Variants in TXK observed in about 807,000 individuals in gnomAD.
TXK encodes the protein TXK tyrosine kinase.
A neutral mutation model predicts 81.0 loss-of-function variants in TXK; 60 were observed. The ratio of observed to expected loss-of-function variants is 0.74; its 90% confidence interval spans 0.60 to 0.92. The LOEUF is 0.92. Among genes scored for constraint, TXK ranks in the 40% least tolerant of loss-of-function variants. TXK has a pLI of 0.00. For missense variants in TXK, 581 were observed against 638.3 expected (o/e 0.91, Z 0.97); for synonymous variants, 203 against 210.7 (o/e 0.96, Z 0.32).
chr4:48,100,703 A>G (rs569508411), intron 6 of TXK, among the ~76,000 whole-genome samples: 6 of 152,314 alleles, frequency 3.9e-5, no homozygotes, highest in African/African-American at 1.4e-4. Flanking sequence ...TATCCTACAA[A>G]CCCATATAAA....
At chr4:48,107,003 T>G (rs563697545) in intron 5 of TXK, among the ~76,000 whole-genome samples, 1 of 152,262 alleles carries the variant, frequency 6.6e-6, no homozygotes, top group East Asian at 1.9e-4. Flanking sequence ...AAGACTTGCA[T>G]AGGGCTTATT....
intron 6 of TXK, among the ~76,000 whole-genome samples, chr4:48,096,215 A>T (rs1717973391): frequency 1.3e-5 from 2 of 152,228 alleles, no homozygotes; most frequent in Non-Finnish European, 2.9e-5. Context: ...AAATAATAAA[A>T]TCTAGCTTTT....
rs1204112038 is a variant in TXK at position 48,080,111 on chromosome 4, T to G, written c.974A>C (p.Lys325Thr). 6.2e-7 allele frequency: 1 copy of G among 1,613,102 alleles called. No individual in the cohort carries two copies. The highest frequency in any genetic ancestry group is 2.2e-5 in the East Asian group (1 of 44,844). The change falls in exon 11 of 15, where the codon AAG becomes ACG. Residue 325 changes from lysine (K) to threonine (T), a missense_variant. Coordinates refer to ENST00000264316, the MANE Select transcript of TXK (RefSeq NM_003328.3). ...AKVMMKLSHS[K>T]LVQLYGVCIQ... ...ACAGACTCCATAAAGTTGCACTAGCTTTGAATGAGATAATTTCCTGGTGAA... is the reference window on the plus strand; with the variant it reads ...ACAGACTCCATAAAGTTGCACTAGCGTTGAATGAGATAATTTCCTGGTGAA...
chr4:48,122,303 C>T (rs539374143), intron 1 of TXK, among the ~76,000 whole-genome samples: 1 of 152,230 alleles, frequency 6.6e-6, no homozygotes, highest in Non-Finnish European at 1.5e-5. Context: ...CTCAGCCACA[C>T]CGCAATGCTG....
At chr4:48,075,699 G>C (rs918571055) in intron 12 of TXK, among the ~76,000 whole-genome samples, 1 of 151,958 alleles carries the variant, frequency 6.6e-6, no homozygotes, top group African/African-American at 2.4e-5. Flanking sequence ...AATTCAGTAC[G>C]TGTTAGCAGC....
intron 10 of TXK, among the ~76,000 whole-genome samples, chr4:48,084,431 C>A (rs1717429846): frequency 6.6e-6 from 1 of 152,128 alleles, no homozygotes; most frequent in African/African-American, 2.4e-5. Flanking sequence ...TTCAAGAATT[C>A]TCTCATTATG....
At position 48,080,014 on chromosome 4, in the gene TXK, C is replaced by T. The variant is rs1560341998; in HGVS notation, c.1071G>A (p.Glu357=). ...ENGCLLNYLR[E]NKGKLRKEML... is the part of the protein sequence containing the mutation. ...TTTCCTTCCTAAGCTTTCCTTTATT[C>T]TCCCTGAGATAGTTAAGCAGGCAGC... is the stretch of plus-strand genomic sequence containing the variant. The change falls in exon 11 of 15, where the codon GAG becomes GAA. Residue 357 remains glutamate, a synonymous_variant. Coordinates refer to ENST00000264316, the MANE Select transcript of TXK (RefSeq NM_003328.3). 3.7e-6 allele frequency: 6 copies of T among 1,614,024 alleles called. No individual in the cohort carries two copies. Among genetic ancestry groups the T allele is most frequent in the Non-Finnish European group, 5.1e-6 (6 of 1,179,968 alleles).
At chr4:48,111,876 C>T (rs1296888809) in intron 4 of TXK, among the ~76,000 whole-genome samples, 5 of 152,316 alleles carry the variant, frequency 3.3e-5, no homozygotes, top group Non-Finnish European at 7.3e-5. Context: ...TCAGCAGCGA[C>T]TGCAATGTTT....
intron 8 of TXK, among the ~76,000 whole-genome samples, chr4:48,090,184 AG>A (rs781085227): frequency 5.9e-5 from 9 of 152,230 alleles, no homozygotes; most frequent in Non-Finnish European, 1.3e-4. Flanking sequence ...TTTTGTTAAA[AG>A]CTTTTTGCAC....
chr4:48,077,603 G>T (rs760030422), intron 11 of TXK, among the ~76,000 whole-genome samples: 29 of 152,036 alleles, frequency 1.9e-4, no homozygotes, highest in Non-Finnish European at 3.5e-4. Context: ...ATTGTTATCC[G>T]GAAAGACAAA....
chr4:48,080,085 T>C lies in TXK; in HGVS notation c.1000A>G (p.Ile334Val). 3 of 1,614,114 alleles carry C rather than the reference T, an allele frequency of 1.9e-6. No individual in the cohort carries two copies. The highest frequency in any genetic ancestry group is 2.5e-6 in the Non-Finnish European group (3 of 1,179,992). Residue 334 changes from isoleucine to valine, a missense_variant, in exon 11 of 15, where the codon ATA becomes GTA. Ile to Val is a conservative substitution (Grantham distance 29, BLOSUM62 3). Transcript: ENST00000264316. ...SKLVQLYGVC[I>V]QRKPLYIVTE... ...ACAATGTAAAGGGGCTTCCGCTGTA[T>C]ACAGACTCCATAAAGTTGCACTAGC...
chr4:48,105,543 T>C (rs1408517976), intron 5 of TXK, among the ~76,000 whole-genome samples: 3 of 152,070 alleles, frequency 2.0e-5, no homozygotes, highest in Non-Finnish European at 2.9e-5. Context: ...AGGATGGAAG[T>C]GGGGGTGAGA....
In TXK at chr4:48,067,686, G is replaced by A; in HGVS notation, c.1535C>T (p.Thr512Ile). ...GACAGCCCGCAGCAGCTCGGCAAAT[G>A]TAGGGCGGCCTTCAGGTTTCTGGAA... is the stretch of plus-strand genomic sequence containing the variant. ...CWHEKPEGRPTFAELLRAVTE... is the reference protein window; with the variant it reads ...CWHEKPEGRPIFAELLRAVTE... Residue 512 changes from threonine to isoleucine, a missense_variant, in exon 15 of 15, where the codon ACA becomes ATA. Transcript: ENST00000264316. The A allele has an allele frequency of 6.2e-7, 1 of 1,614,128 alleles. No individual in the cohort carries two copies.
intron 6 of TXK, among the ~76,000 whole-genome samples, chr4:48,100,044 C>T (rs979459091): frequency 5.7e-4 from 86 of 150,972 alleles, no homozygotes; most frequent in African/African-American, 1.9e-3. Flanking sequence ...CAGTGGCGGG[C>T]GCCTGTAGTC....
At chr4:48,107,937 G>A (rs1398812519) in intron 5 of TXK, among the ~76,000 whole-genome samples, 5 of 148,710 alleles carry the variant, frequency 3.4e-5, no homozygotes, top group African/African-American at 7.4e-5. Flanking sequence ...CGGGCGTGGT[G>A]GCGGGCGCCT....
Position 48,079,995 on chromosome 4 carries a change from T to C in TXK, c.1090A>G (p.Lys364Glu), listed in dbSNP as rs748788881. Reference protein sequence around the residue: ...YLRENKGKLRKEMLLSVCQDI... With the variant: ...YLRENKGKLREEMLLSVCQDI... ...TGGCATACACTCAGTAGCATTTCCT[T>C]CCTAAGCTTTCCTTTATTCTCCCTG... Residue 364 changes from lysine (K) to glutamate (E), a missense_variant, in exon 11 of 15, where the codon AAG (lysine) becomes GAG (glutamate). Physicochemically the swap from Lys to Glu is moderately conservative, Grantham distance 56. Coordinates refer to ENST00000264316, the MANE Select transcript of TXK (RefSeq NM_003328.3). 63 of 1,613,974 alleles carry C rather than the reference T, an allele frequency of 3.9e-5. No individual in the cohort carries two copies. Among genetic ancestry groups the C allele is most frequent in the Non-Finnish European group, 4.7e-5 (56 of 1,180,004 alleles).
At chr4:48,124,015 G>GCA (rs988521401) in intron 1 of TXK, among the ~76,000 whole-genome samples, 1 of 152,070 alleles carries the variant, frequency 6.6e-6, no homozygotes, top group African/African-American at 2.4e-5. Flanking sequence ...AGTTCCCAAA[G>GCA]CACCTATGCC....
chr4:48,098,585 G>A (rs1165677372), intron 6 of TXK, among the ~76,000 whole-genome samples: 1 of 151,372 alleles, frequency 6.6e-6, no homozygotes, highest in Non-Finnish European at 1.5e-5. Context: ...AGGAATGCGT[G>A]TGTACTTCCT....
intron 12 of TXK, among the ~76,000 whole-genome samples, chr4:48,076,165 A>C (rs1717060940): frequency 6.6e-6 from 1 of 152,210 alleles, no homozygotes; most frequent in Non-Finnish European, 1.5e-5. Flanking sequence ...TTTAAGATAT[A>C]CCATAGTTTT....
Sources: allele counts gnomAD v4.1 joint callset (sites outside exome capture counted in the v4.1 genomes callset), GRCh38; gene constraint gnomAD v4.1.1; transcripts MANE v1.5; gene names NCBI Gene and HGNC (gene_info 2026-07-23, HGNC 2026-07-21).